Variants in PRPF18 observed in about 807,000 individuals in gnomAD.
PRPF18 encodes the protein pre-mRNA-splicing factor 18.
A neutral mutation model predicts 46.5 loss-of-function variants in PRPF18; 38 were observed. That is an observed-to-expected ratio of 0.82 (90% CI 0.63 to 1.07). PRPF18 has a LOEUF of 1.07. Among genes scored for constraint, PRPF18 ranks in the 50% least tolerant of loss-of-function variants. The probability of loss-of-function intolerance (pLI) is 0.00; values close to 1 mark genes in which losing one functional copy is unlikely to be tolerated. For missense variants in PRPF18, 263 were observed against 410.0 expected (o/e 0.64, Z 3.10); for synonymous variants, 152 against 146.7 (o/e 1.04, Z -0.26).
At chr10:13,622,559 T>G (rs995012878) in intron 9 of PRPF18, among the ~76,000 whole-genome samples, 3 of 152,368 alleles carry the variant, frequency 2.0e-5, no homozygotes, top group Non-Finnish European at 1.5e-5. Context: ...TTGTTTGTAA[T>G]TTGGTGTAAC....
At chr10:13,644,376 A>G in the PRPF18 span, 1 of 152,368 alleles carries the variant, frequency 6.6e-6, no homozygotes, top group Non-Finnish European at 1.5e-5. Context: ...ATCATTAATC[A>G]TGTCAGTCTC....
intron 3 of PRPF18, 96 bp downstream of exon 3, chr10:13,600,444 GCGT>G (rs1397591943): frequency 6.8e-6 from 6 of 879,272 alleles, no homozygotes; most frequent in Non-Finnish European, 8.2e-6. Flanking sequence ...ATTATTTCCT[GCGT>G]AAAATGACTT....
intron 9 of PRPF18, among the ~76,000 whole-genome samples, chr10:13,621,549 G>A (rs78904652): frequency 0.024 from 3,692 of 152,216 alleles, 162 homozygotes; most frequent in African/African-American, 0.085. Flanking sequence ...GATTGCCAGC[G>A]CTAGGTTGCT....
the PRPF18 span, chr10:13,642,644 T>A: frequency 6.6e-6 from 1 of 152,198 alleles, no homozygotes; most frequent in Non-Finnish European, 1.5e-5. Flanking sequence ...TGCTTTCATG[T>A]GGTAGAGCTT....
chr10:13,646,412 C>G, the PRPF18 span: 1 of 152,616 alleles, frequency 6.6e-6, no homozygotes, highest in Non-Finnish European at 1.5e-5. Flanking sequence ...TCAACCTCCC[C>G]TTCCCCCATA....
chr10:13,633,799 G>A (rs531813861), downstream of PRPF18, among the ~76,000 whole-genome samples: 1 of 152,204 alleles, frequency 6.6e-6, no homozygotes, highest in South Asian at 2.1e-4. Context: ...ATGGTATGGT[G>A]TCATATTGGG....
At chr10:13,614,966 G>GT (rs1378513232) in intron 8 of PRPF18, among the ~76,000 whole-genome samples, 1 of 152,188 alleles carries the variant, frequency 6.6e-6, no homozygotes, top group Non-Finnish European at 1.5e-5. Flanking sequence ...GTATACTGAC[G>GT]TAACAAGGGA....
intron 2 of PRPF18, among the ~76,000 whole-genome samples, chr10:13,599,648 T>C (rs959259642): frequency 2.2e-4 from 34 of 152,238 alleles, no homozygotes; most frequent in Non-Finnish European, 1.6e-4. Flanking sequence ...AGACAGGTGC[T>C]TTTTTCCTTG....
At chr10:13,611,217 A>G (rs1288333528) in intron 5 of PRPF18, among the ~76,000 whole-genome samples, 1 of 81,148 alleles carries the variant, frequency 1.2e-5, no homozygotes, top group East Asian at 3.3e-4. Context: ...CTATTGGTGT[A>G]TTTATTTGTT....
chr10:13,641,178 C>G, the PRPF18 span: 1 of 152,174 alleles, frequency 6.6e-6, no homozygotes, highest in Admixed American at 6.5e-5. Context: ...CTTATAAGGG[C>G]AGGGAATTTG....
At position 13,599,175 on chromosome 10, in the gene PRPF18, C is replaced by T. The variant is rs114767941; in HGVS notation, c.145-1069C>T. Among the ~76,000 whole-genome samples the T allele has an allele frequency of 8.7e-3, 1,323 of 152,182 alleles. 19 individuals are homozygous for T. Among genetic ancestry groups the T allele is most frequent in the African/African-American group, 0.027 (1,132 of 41,524 alleles). ...CTTCTTGGTAGTAATGACATGGTAT[C>T]CATTCCTTTTATTCTTTTGTAGAAA... On this transcript the variant is annotated intron_variant, in intron 2 of 9. Transcript: ENST00000378572.
intron 1 of PRPF18, among the ~76,000 whole-genome samples, chr10:13,596,401 T>C (rs1049366175): frequency 6.6e-6 from 1 of 152,234 alleles, no homozygotes; most frequent in South Asian, 2.1e-4. Context: ...GGCTCATCTT[T>C]CCATTGTCAC....
At chr10:13,654,068 T>G in the PRPF18 span, 3 of 452,414 alleles carry the variant, frequency 6.6e-6, no homozygotes, top group Non-Finnish European at 1.2e-5. Context: ...CCTGACATTC[T>G]TGCCTGGCAT....
At chr10:13,643,015 T>A in the PRPF18 span, 1 of 152,238 alleles carries the variant, frequency 6.6e-6, no homozygotes, top group Non-Finnish European at 1.5e-5. Context: ...CCTATTAAGT[T>A]AGGGGGCCAG....
At chr10:13,650,556 C>CATACCGGGGGAGAAAA in the PRPF18 span, among the ~76,000 whole-genome samples, 1 of 152,298 alleles carries the variant, frequency 6.6e-6, no homozygotes, top group South Asian at 2.1e-4. Context: ...ATCGCCCTCC[C>CATACCGGGGGAGAAAA]ATACCGGGGG....
chr10:13,628,749 AC>A (rs2080548151), intron 9 of PRPF18, among the ~76,000 whole-genome samples: 1 of 152,108 alleles, frequency 6.6e-6, no homozygotes, highest in Non-Finnish European at 1.5e-5. Context: ...GTGTTAAGTT[AC>A]GTAGATTTCA....
the PRPF18 span, chr10:13,654,448 G>A: frequency 6.2e-7 from 1 of 1,613,406 alleles, no homozygotes; most frequent in South Asian, 1.1e-5. Flanking sequence ...GGTGGGGGCT[G>A]CTTGGGGGGG....
chr10:13,592,260 C>G, intron 1 of PRPF18: 1 of 512,942 alleles, frequency 1.9e-6, no homozygotes, highest in Non-Finnish European at 3.6e-6. Context: ...TCACCAGCCT[C>G]AGCCTTCTTG....
intron 9 of PRPF18, among the ~76,000 whole-genome samples, chr10:13,624,991 G>A (rs537498793): frequency 6.6e-6 from 1 of 152,264 alleles, no homozygotes; most frequent in East Asian, 1.9e-4. Flanking sequence ...GACCTTCATA[G>A]AAACAGAATT....
Sources: gnomAD v4.1 joint callset for allele counts (sites outside exome capture counted in the v4.1 genomes callset) on GRCh38, gnomAD v4.1.1 for gene constraint, MANE v1.5 for transcripts, NCBI Gene and HGNC (gene_info 2026-07-23, HGNC 2026-07-21) for gene names.